SPAG16: variants seen among roughly 807,000 people sequenced by gnomAD.
SPAG16 encodes the protein sperm-associated antigen 16 protein.
A neutral mutation model predicts 80.4 loss-of-function variants in SPAG16; 86 were observed. The ratio of observed to expected loss-of-function variants is 1.07; its 90% CI spans 0.90 to 1.28. The LOEUF (loss-of-function observed/expected upper bound fraction) is 1.28, where lower values mean the gene tolerates loss of function less well. Ranked by LOEUF, SPAG16 falls within the 50% of genes most tolerant of loss-of-function variation. The pLI, the probability that SPAG16 is intolerant of heterozygous loss-of-function variation, is 0.00. For synonymous variants in SPAG16, 294 were observed against 265.9 expected (o/e 1.11, Z -1.03); for missense variants, 870 against 765.3 (o/e 1.14, Z -1.61).
chr2:213,698,713 G>T (rs570237631), intron 10 of SPAG16, among the ~76,000 whole-genome samples: 1 of 152,078 alleles, frequency 6.6e-6, no homozygotes, highest in Non-Finnish European at 1.5e-5. Flanking sequence ...GTCATGCTAA[G>T]GTGTCCTGAG....
chr2:214,016,778 T>C (rs112675312), intron 13 of SPAG16, among the ~76,000 whole-genome samples: 5,592 of 152,236 alleles, frequency 0.037, 147 homozygotes, highest in African/African-American at 0.06. Flanking sequence ...CTTAGTGATA[T>C]TTTATAAAGA....
In SPAG16 at chr2:213,929,976, A is replaced by G. The variant is rs1299774885; in HGVS notation, c.1231A>G (p.Thr411Ala). ...CFHPSGDKLA[T>A]SSGDTTVKLW... ...TGCAAATAGTGGCGACAAATTGGCTACTTCAAGTGGTGACACTACAGTTAA... is the reference window on the plus strand; with the variant it reads ...TGCAAATAGTGGCGACAAATTGGCTGCTTCAAGTGGTGACACTACAGTTAA... The change falls in exon 12 of 16, where the codon ACT becomes GCT. Residue 411 changes from threonine to alanine, a missense_variant. By Grantham distance (58) the Thr-to-Ala change is moderately conservative. Transcript: ENST00000331683. The G allele has an allele frequency of 1.4e-5, 22 of 1,603,542 alleles. No individual in the cohort carries two copies. Among genetic ancestry groups the G allele is most frequent in the Non-Finnish European group, 1.9e-5 (22 of 1,176,810 alleles).
At position 214,205,855 on chromosome 2, in the gene SPAG16, G is replaced by T. The variant is rs1270286722; in HGVS notation, c.1720+56589G>T. Among the ~76,000 whole-genome samples, 3 of 152,014 alleles carry T rather than the reference G, an allele frequency of 2.0e-5. No individual in the cohort carries two copies. In the East Asian group the frequency reaches 5.8e-4, roughly 29 times the overall value. ...AAATGCTTATTTTTGTGTGTGTTGG[G>T]AACATTCTACATCTCCTCTTTTAGC... On this transcript the variant is annotated intron_variant, in intron 15 of 15. Transcript: ENST00000331683.
At chr2:213,664,557 C>CT (rs1270129220) in intron 10 of SPAG16, among the ~76,000 whole-genome samples, 1 of 152,034 alleles carries the variant, frequency 6.6e-6, no homozygotes, top group Non-Finnish European at 1.5e-5. Flanking sequence ...AACAGATTTC[C>CT]TTTCTTTGAA....
chr2:214,222,082 G>T (rs1238658365), intron 15 of SPAG16, among the ~76,000 whole-genome samples: 1 of 145,094 alleles, frequency 6.9e-6, no homozygotes, highest in African/African-American at 2.5e-5. Context: ...ACATTAAAAT[G>T]TGTTGAGAAA....
chr2:214,390,343 A>ATTTTT lies in SPAG16; in HGVS notation c.1721-19797_1721-19796insTTTTT, dbSNP rs1309716108. Among the ~76,000 whole-genome samples the ATTTTT allele has an allele frequency of 4.2e-3, 476 of 112,944 alleles. 2 individuals carry two copies. The highest frequency in any genetic ancestry group is 6.6e-3 in the East Asian group (26 of 3,936). 74.1% of individuals were successfully genotyped at this position (112,944 alleles called of 152,430 possible). On this transcript the variant is annotated intron_variant, in intron 15 of 15. Transcript: ENST00000331683. Reference sequence around the variant, plus strand: ...ATGAATGGGTATGCTTTTTTTTTTAAAAAAAAAAAAAAAAAAGTCCTTTTC... The same window carrying ATTTTT: ...ATGAATGGGTATGCTTTTTTTTTTAATTTTTAAAAAAAAAAAAAAAAGTCCTTTTC...
chr2:214,171,418 A>G (rs2056864095), intron 15 of SPAG16, among the ~76,000 whole-genome samples: 1 of 151,918 alleles, frequency 6.6e-6, no homozygotes. Context: ...TGAGTTATTT[A>G]TATTCCCCTT....
intron 15 of SPAG16, among the ~76,000 whole-genome samples, chr2:214,179,998 A>T (rs555302921): frequency 3.2e-4 from 48 of 151,582 alleles, no homozygotes; most frequent in Non-Finnish European, 5.6e-4. Flanking sequence ...AATTTTATAT[A>T]AAACCTCTTA....
intron 15 of SPAG16, among the ~76,000 whole-genome samples, chr2:214,400,986 A>C (rs1411567170): frequency 2.6e-5 from 4 of 152,074 alleles, no homozygotes; most frequent in Admixed American, 2.6e-4. Flanking sequence ...TACATAGTAA[A>C]AAATGCTGGA....
intron 14 of SPAG16, among the ~76,000 whole-genome samples, chr2:214,130,587 T>G (rs1450246815): frequency 6.6e-6 from 1 of 152,226 alleles, no homozygotes; most frequent in African/African-American, 2.4e-5. Flanking sequence ...TCTTTGGTTT[T>G]ATTTCTTCAT....
chr2:214,257,431 T>G (rs1690772973), intron 15 of SPAG16, among the ~76,000 whole-genome samples: 2 of 152,018 alleles, frequency 1.3e-5, no homozygotes, highest in Admixed American at 1.3e-4. Flanking sequence ...ATGATGTGAA[T>G]AGGTATTCTT....
Position 214,410,135 on chromosome 2 carries a change from C to T in SPAG16, c.1721-5C>T, listed in dbSNP as rs755673688. 1.2e-6 allele frequency: 2 copies of T among 1,613,600 alleles called. No individual in the cohort carries two copies. Among genetic ancestry groups the T allele is most frequent in the Non-Finnish European group, 1.7e-6 (2 of 1,179,534 alleles). On this transcript the variant is annotated splice_polypyrimidine_tract_variant and splice_region_variant and intron_variant, in intron 15 of 15. Transcript: ENST00000331683. The stretch of plus-strand genomic sequence containing the variant: ...CTCTCTCTCTCTCCTCTCTGTCTCC[C>T]TCAGGTCGAGTTTTAGCTCAGGCAA...
chr2:214,177,620 G>A (rs1043057579), intron 15 of SPAG16, among the ~76,000 whole-genome samples: 2 of 150,538 alleles, frequency 1.3e-5, no homozygotes, highest in Non-Finnish European at 3.0e-5. Flanking sequence ...AATTATGACA[G>A]AAGGTAGGTT....
intron 10 of SPAG16, among the ~76,000 whole-genome samples, chr2:213,856,844 A>G (rs1575369678): frequency 7.6e-6 from 1 of 132,170 alleles, no homozygotes; most frequent in Non-Finnish European, 1.7e-5. Context: ...TCCATAACAT[A>G]AAAGTATGGT....
At chr2:214,309,573 T>C (rs1232285759) in intron 15 of SPAG16, among the ~76,000 whole-genome samples, 2 of 152,178 alleles carry the variant, frequency 1.3e-5, no homozygotes, top group Non-Finnish European at 2.9e-5. Context: ...GTTTTTTTTT[T>C]CTTTTATCCT....
chr2:214,358,415 A>C (rs1254250010), intron 15 of SPAG16, among the ~76,000 whole-genome samples: 7 of 151,956 alleles, frequency 4.6e-5, no homozygotes, highest in African/African-American at 1.7e-4. Flanking sequence ...CCCTCATGCC[A>C]AACTATAGCC....
intron 15 of SPAG16, among the ~76,000 whole-genome samples, chr2:214,162,295 T>G (rs1164730996): frequency 6.6e-6 from 1 of 152,122 alleles, no homozygotes; most frequent in Non-Finnish European, 1.5e-5. Context: ...CATTTAAATC[T>G]TTTTTGAGAT....
intron 13 of SPAG16, among the ~76,000 whole-genome samples, chr2:214,062,492 C>T (rs2050321507): frequency 6.6e-6 from 1 of 150,606 alleles, no homozygotes; most frequent in African/African-American, 2.4e-5. Flanking sequence ...ACCACATCCC[C>T]AAACATGCAT....
chr2:213,318,432 T>C (rs2063488373), intron 5 of SPAG16, among the ~76,000 whole-genome samples: 2 of 151,900 alleles, frequency 1.3e-5, no homozygotes, highest in African/African-American at 2.4e-5. Context: ...TTCTCACTTA[T>C]AAGTAGGAGC....
Sources: allele counts gnomAD v4.1 joint callset (sites outside exome capture counted in the v4.1 genomes callset), GRCh38; gene constraint gnomAD v4.1.1; transcripts MANE v1.5; gene names NCBI Gene and HGNC (gene_info 2026-07-23, HGNC 2026-07-21).